USP53: variants seen among roughly 807,000 people sequenced by gnomAD.
The protein encoded by USP53 is ubiquitin carboxyl-terminal hydrolase 53.
In USP53, 71 loss-of-function variants were observed where a neutral mutation model predicts 94.9. The ratio of observed to expected loss-of-function variants is 0.75; its 90% CI spans 0.62 to 0.91. The LOEUF is 0.91. USP53 is among the 40% of genes least tolerant of loss of function. The pLI, the probability that USP53 is intolerant of heterozygous loss-of-function variation, is 0.00. For synonymous variants in USP53, 375 were observed against 422.7 expected (o/e 0.89, Z 1.39); for missense variants, 1,173 against 1,281.0 (o/e 0.92, Z 1.29).
At chr4:119,239,930 A>G in intron 5 of USP53, 27 bp downstream of exon 5, 1 of 1,372,456 alleles carries the variant, frequency 7.3e-7, no homozygotes, top group Non-Finnish European at 9.5e-7. Flanking sequence ...TTATTACATT[A>G]AAAAAAATAC....
chr4:119,263,334 G>A (rs780236607), intron 12 of USP53, among the ~76,000 whole-genome samples: 74 of 152,176 alleles, frequency 4.9e-4, no homozygotes, highest in Non-Finnish European at 8.2e-4. Context: ...TTTCTGGGTT[G>A]CAGTGCAGGC....
chr4:119,244,889 T>C (rs1438372577), intron 5 of USP53, among the ~76,000 whole-genome samples: 10 of 152,208 alleles, frequency 6.6e-5, no homozygotes, highest in Admixed American at 5.9e-4. Flanking sequence ...CACCCCTTTT[T>C]CTTGCCATAA....
chr4:119,288,544 G>A (rs370615017), intron 17 of USP53, among the ~76,000 whole-genome samples: 12 of 151,954 alleles, frequency 7.9e-5, no homozygotes, highest in Non-Finnish European at 1.2e-4. Flanking sequence ...TTAACTTTTC[G>A]TCCTCCATTA....
chr4:119,230,327 T>C (rs1745897161), intron 3 of USP53, among the ~76,000 whole-genome samples: 1 of 152,190 alleles, frequency 6.6e-6, no homozygotes, highest in African/African-American at 2.4e-5. Flanking sequence ...CCTTTGTCAC[T>C]CAAAAACACT....
intron 10 of USP53, 69 bp from the exon 11 acceptor site, chr4:119,260,438 A>G: frequency 1.4e-6 from 2 of 1,410,434 alleles, no homozygotes; most frequent in Non-Finnish European, 1.9e-6. Flanking sequence ...TCATTATATA[A>G]TGCAAACTGT....
At chr4:119,267,593 T>C (rs2149405694) in intron 13 of USP53, 111 bp downstream of exon 13, 2 of 1,218,670 alleles carry the variant, frequency 1.6e-6, no homozygotes, top group African/African-American at 3.1e-5. Flanking sequence ...AATTTGACTT[T>C]CAGTAGAGCT....
intron 3 of USP53, among the ~76,000 whole-genome samples, chr4:119,223,503 A>G (rs770411163): frequency 3.3e-5 from 5 of 152,212 alleles, no homozygotes; most frequent in Non-Finnish European, 7.3e-5. Context: ...CTGCCTTTAA[A>G]TATAAGAGAA....
intron 12 of USP53, among the ~76,000 whole-genome samples, chr4:119,265,620 G>A (rs1018288999): frequency 1.3e-5 from 2 of 152,036 alleles, no homozygotes; most frequent in Non-Finnish European, 2.9e-5. Flanking sequence ...GCAGTGAGCC[G>A]AGACCGTGCC....
intron 15 of USP53, among the ~76,000 whole-genome samples, chr4:119,270,492 T>G (rs1751716595): frequency 6.6e-6 from 1 of 152,202 alleles, no homozygotes; most frequent in Admixed American, 6.5e-5. Context: ...CCTGGGATAC[T>G]TGTATATATG....
At chr4:119,257,560 T>C (rs1749945081) in intron 9 of USP53, among the ~76,000 whole-genome samples, 1 of 152,248 alleles carries the variant, frequency 6.6e-6, no homozygotes, top group Non-Finnish European at 1.5e-5. Context: ...CAGAATATGT[T>C]AGTGCAACAG....
chr4:119,274,586 A>T (rs1287934923), intron 17 of USP53, among the ~76,000 whole-genome samples: 2 of 151,702 alleles, frequency 1.3e-5, no homozygotes, highest in African/African-American at 4.8e-5. Flanking sequence ...TAGCAGCATG[A>T]TTTATAGTCA....
In USP53 at chr4:119,292,849, G is replaced by T; in HGVS notation, c.2860G>T (p.Ala954Ser). The T allele has an allele frequency of 6.2e-7, 1 of 1,614,096 alleles. No homozygotes were observed. Among genetic ancestry groups the T allele is most frequent in the Non-Finnish European group, 8.5e-7 (1 of 1,179,980 alleles). Residue 954 changes from alanine (A) to serine (S), a missense_variant, in exon 19 of 19, where the codon GCT (alanine) becomes TCT (serine). Physicochemically the swap from Ala to Ser is moderately conservative, Grantham distance 99. Coordinates refer to ENST00000692078, the MANE Select transcript of USP53 (RefSeq NM_001371395.1). ...PDVKLTEVFKATSHLPKHSLS... is the reference protein window; with the variant it reads ...PDVKLTEVFKSTSHLPKHSLS... Reference sequence around the variant, plus strand: ...TGTCAAACTTACAGAGGTGTTTAAAGCTACCTCTCATCTTCCGAAGCACAG... The same window carrying T: ...TGTCAAACTTACAGAGGTGTTTAAATCTACCTCTCATCTTCCGAAGCACAG...
Position 119,271,773 on chromosome 4 carries a change from T to C in USP53, c.1913T>C (p.Leu638Ser), listed in dbSNP as rs1302869318. ...WPKENPKQKG[L>S]MTIYEDEMKQ... Reference sequence around the variant, plus strand: ...AAAGAGAATCCAAAGCAAAAAGGTTTAATGACCATATATGAAGATGAAATG... The same window carrying C: ...AAAGAGAATCCAAAGCAAAAAGGTTCAATGACCATATATGAAGATGAAATG... The change falls in exon 16 of 19, where the codon TTA becomes TCA. Residue 638 changes from leucine (L) to serine (S), a missense_variant. Physicochemically the swap from Leu to Ser is moderately radical, Grantham distance 145. Coordinates refer to ENST00000692078, the MANE Select transcript of USP53 (RefSeq NM_001371395.1). The C allele has an allele frequency of 6.2e-7, 1 of 1,613,664 alleles. No homozygotes were observed. The highest frequency in any genetic ancestry group is 1.7e-5 in the Admixed American group (1 of 59,892).
Position 119,293,129 on chromosome 4 carries a change from A to G in USP53, c.3140A>G (p.Asp1047Gly), listed in dbSNP as rs1450685102. 6.2e-7 allele frequency: 1 copy of G among 1,613,634 alleles called. No homozygotes were observed. Among genetic ancestry groups the G allele is most frequent in the Non-Finnish European group, 8.5e-7 (1 of 1,179,908 alleles). ...TYFSVDSCMT[D>G]TYRLKYHQRP... Reference sequence around the variant, plus strand: ...TTTTCAGTTGATAGCTGCATGACGGATACATATAGATTGAAATACCATCAG... The same window carrying G: ...TTTTCAGTTGATAGCTGCATGACGGGTACATATAGATTGAAATACCATCAG... The change falls in exon 19 of 19, where the codon GAT (aspartate) becomes GGT (glycine). Residue 1047 changes from aspartate to glycine, a missense_variant. Physicochemically the swap from Asp to Gly is moderately conservative, Grantham distance 94 (BLOSUM62 -1). Transcript: ENST00000692078.
chr4:119,290,764 G>C (rs1271688489), intron 17 of USP53, among the ~76,000 whole-genome samples: 5 of 152,230 alleles, frequency 3.3e-5, no homozygotes, highest in South Asian at 4.1e-4. Context: ...TAAAAGGCTT[G>C]TTTACCTACC....
chr4:119,244,007 A>G (rs1013188499), intron 5 of USP53, among the ~76,000 whole-genome samples: 7 of 152,126 alleles, frequency 4.6e-5, no homozygotes, highest in African/African-American at 1.4e-4. Context: ...GTCCCAGAAA[A>G]TATTTTGCCT....
At chr4:119,253,368 A>C (rs1749299558) in intron 7 of USP53, among the ~76,000 whole-genome samples, 2 of 152,068 alleles carry the variant, frequency 1.3e-5, no homozygotes, top group Non-Finnish European at 2.9e-5. Context: ...CTTTGTAGAA[A>C]TCTAAGGACT....
rs1755063916 is a variant in USP53 at position 119,294,261 on chromosome 4, A to T, written c.*1050A>T. 1 of 152,038 alleles carries T rather than the reference A, an allele frequency of 6.6e-6. No homozygotes were observed. Among genetic ancestry groups the T allele is most frequent in the Non-Finnish European group, 1.5e-5 (1 of 67,946 alleles). The allele number at this position is 152,038 out of a possible 1,614,324, so 9.4% of individuals were successfully genotyped here. Reference sequence around the variant, plus strand: ...CAACCCATTTTATCTGAATTTGAAAATCTATCTAGGTTTCCAGATTAAATT... The same window carrying T: ...CAACCCATTTTATCTGAATTTGAAATTCTATCTAGGTTTCCAGATTAAATT... On this transcript the variant is annotated 3_prime_UTR_variant, in exon 19 of 19. Coordinates refer to ENST00000692078, the MANE Select transcript of USP53 (RefSeq NM_001371395.1).
At chr4:119,291,571 C>T (rs1754764240) in intron 18 of USP53, among the ~76,000 whole-genome samples, 1 of 152,172 alleles carries the variant, frequency 6.6e-6, no homozygotes, top group Admixed American at 6.5e-5. Flanking sequence ...ATAGCTCCAT[C>T]TACCTAGCAA....
Sources: allele counts gnomAD v4.1 joint callset (sites outside exome capture counted in the v4.1 genomes callset), GRCh38; gene constraint gnomAD v4.1.1; transcripts MANE v1.5; gene names NCBI Gene and HGNC (gene_info 2026-07-23, HGNC 2026-07-21).